The following ABLIM2 variants were observed in gnomAD, a reference collection of about 807,000 sequenced individuals.
The protein encoded by ABLIM2 is actin binding LIM protein family member 2.
In ABLIM2, 53 loss-of-function variants were observed where a neutral mutation model predicts 97.7. The ratio of observed to expected loss-of-function variants is 0.54; its 90% CI spans 0.44 to 0.68. ABLIM2 has a LOEUF of 0.68. ABLIM2 is among the 30% of genes least tolerant of loss of function. ABLIM2 has a pLI of 0.00. For missense variants in ABLIM2, 835 were observed against 867.2 expected, an observed-to-expected ratio of 0.96 and a Z score of 0.47; for synonymous variants, 361 against 345.8, an observed-to-expected ratio of 1.04 and a Z score of -0.49.
At chr4:8,108,186 G>A (rs990506400) in intron 1 of ABLIM2, among the ~76,000 whole-genome samples, 20 of 152,206 alleles carry the variant, frequency 1.3e-4, no homozygotes, top group Non-Finnish European at 1.5e-5. Flanking sequence ...GGTGGGGGAC[G>A]CAGGGGCAGA....
intron 17 of ABLIM2, among the ~76,000 whole-genome samples, chr4:7,985,178 C>T (rs1335564257): frequency 2.6e-5 from 4 of 152,220 alleles, no homozygotes; most frequent in Admixed American, 1.3e-4. Flanking sequence ...ACAGCTCCAA[C>T]CCCATTTGAA....
chr4:8,072,755 G>A lies in ABLIM2; in HGVS notation c.675+4873C>T, dbSNP rs1047315750. Among the ~76,000 whole-genome samples, 1 of 152,198 alleles carries A rather than the reference G, an allele frequency of 6.6e-6. No homozygotes were observed. The highest frequency in any genetic ancestry group is 1.5e-5 in the Non-Finnish European group (1 of 68,036). On this transcript the variant is annotated intron_variant, in intron 6 of 20. Transcript: ENST00000447017. This position sits in a 1 kb window ranked among gnomAD's most constrained non-coding sequence, Gnocchi z 5.8. Reference sequence around the variant, plus strand: ...GGGAGGCAGTGTGTATGTGGCGGAGGGAGAGTGCCTGCATGTGGTGTTGGC... The same window carrying A: ...GGGAGGCAGTGTGTATGTGGCGGAGAGAGAGTGCCTGCATGTGGTGTTGGC...
intron 16 of ABLIM2, among the ~76,000 whole-genome samples, chr4:8,006,467 T>C (rs1390395464): frequency 1.3e-5 from 2 of 152,232 alleles, no homozygotes; most frequent in East Asian, 3.8e-4. Context: ...CGATGCCACC[T>C]TGAGATCCCT....
intron 14 of ABLIM2, among the ~76,000 whole-genome samples, chr4:8,013,592 G>A (rs747577810): frequency 9.9e-5 from 15 of 152,218 alleles, no homozygotes; most frequent in Non-Finnish European, 1.8e-4. Flanking sequence ...TTACAGATGA[G>A]GAGACCGAGG....
chr4:7,972,293 G>A (rs776649006), intron 20 of ABLIM2, among the ~76,000 whole-genome samples: 10 of 152,184 alleles, frequency 6.6e-5, no homozygotes, highest in Non-Finnish European at 1.5e-4. Flanking sequence ...GCTGCGTGGT[G>A]TACTGTGAAA....
At chr4:8,134,428 C>G (rs10026316) in intron 1 of ABLIM2, among the ~76,000 whole-genome samples, 24,139 of 152,174 alleles carry the variant, frequency 0.16, 2,760 homozygotes, top group African/African-American at 0.33. Flanking sequence ...CCCTCCCTCT[C>G]CACACCCACA....
At position 8,068,931 on chromosome 4, in the gene ABLIM2, T is replaced by C. The variant is rs115970085; in HGVS notation, c.676-7877A>G. Among the ~76,000 whole-genome samples the C allele has an allele frequency of 0.029, 4,425 of 152,342 alleles. 214 individuals are homozygous for C. Among genetic ancestry groups the C allele is most frequent in the African/African-American group, 0.1 (4,212 of 41,582 alleles). On this transcript the variant is annotated intron_variant, in intron 6 of 20. Coordinates refer to ENST00000447017, the MANE Select transcript of ABLIM2 (RefSeq NM_001130083.2). The surrounding 1 kb of genome is among the most constrained non-coding windows in gnomAD (Gnocchi z 4.5). ...GAAAGCTGTGAGCAGGGGATCCCCC[T>C]GGGGGTGTTTGGCGGCCAGGACAGA...
rs1318868504 is a variant in ABLIM2, at chr4:7,966,952, G to A, written c.*38C>T. The A allele has an allele frequency of 6.1e-6, 9 of 1,464,636 alleles. No homozygotes were observed. The highest frequency in any genetic ancestry group is 1.1e-5 in the South Asian group (1 of 88,666). 90.7% of individuals were successfully genotyped at this position (1,464,636 alleles called of 1,614,324 possible). A position where few individuals can be genotyped will look rare whatever the true frequency, so the allele number is the denominator to read the frequency against. Reference sequence around the variant, plus strand: ...GTTCTCGCCAGGGGCCCCTGGCCTCGGCGCCCGGCACACACCAGTGGGGCA... The same window carrying A: ...GTTCTCGCCAGGGGCCCCTGGCCTCAGCGCCCGGCACACACCAGTGGGGCA... On this transcript the variant is annotated 3_prime_UTR_variant, in exon 21 of 21. Transcript: ENST00000447017.
At chr4:8,016,830 C>G (rs1172497937) in intron 14 of ABLIM2, among the ~76,000 whole-genome samples, 1 of 152,226 alleles carries the variant, frequency 6.6e-6, no homozygotes, top group African/African-American at 2.4e-5. Flanking sequence ...CCTCGAGCCT[C>G]TGCCGCCGAT....
At chr4:8,018,348 C>T (rs572393316) in intron 14 of ABLIM2, among the ~76,000 whole-genome samples, 25 of 152,362 alleles carry the variant, frequency 1.6e-4, no homozygotes, top group African/African-American at 5.5e-4. Context: ...CAGTCACTTA[C>T]TGTGGCTGCT....
chr4:8,158,754 T>C lies in ABLIM2; in HGVS notation c.-65A>G, dbSNP rs1170736833. 21 of 1,320,448 alleles carry C rather than the reference T, an allele frequency of 1.6e-5. No individual in the cohort carries two copies. The highest frequency in any genetic ancestry group is 2.0e-5 in the South Asian group (1 of 49,444). The allele number at this position is 1,320,448 out of a possible 1,614,324, so 81.8% of individuals were successfully genotyped here. On this transcript the variant is annotated 5_prime_UTR_variant, in exon 1 of 21. Transcript: ENST00000447017. ...ACAGCCAGACCCTCGGGCCCGCAGGTGCCGCGCCCGCGCTATCCTCCGCCC... is the reference window on the plus strand; with the variant it reads ...ACAGCCAGACCCTCGGGCCCGCAGGCGCCGCGCCCGCGCTATCCTCCGCCC...
At chr4:8,036,041 G>C in intron 10 of ABLIM2, 108 bp downstream of exon 10, 6 of 1,350,598 alleles carry the variant, frequency 4.4e-6, no homozygotes, top group Non-Finnish European at 6.0e-6. Flanking sequence ...GAGTGGTGAA[G>C]ATGGAAGTGG....
intron 9 of ABLIM2, among the ~76,000 whole-genome samples, chr4:8,040,535 C>G (rs577623994): frequency 1.3e-5 from 2 of 151,628 alleles, no homozygotes; most frequent in African/African-American, 2.4e-5. Context: ...TGCTTGAACC[C>G]GGGAGGCAGA....
At chr4:8,086,349 C>CTT (rs1228215168) in intron 4 of ABLIM2, among the ~76,000 whole-genome samples, 35 of 122,986 alleles carry the variant, frequency 2.8e-4, no homozygotes, top group African/African-American at 6.0e-4. Flanking sequence ...TCCCCTCCCA[C>CTT]TTTTTTTTTT....
intron 14 of ABLIM2, among the ~76,000 whole-genome samples, chr4:8,012,214 C>T (rs184599473): frequency 9.3e-5 from 14 of 150,518 alleles, no homozygotes; most frequent in African/African-American, 3.4e-4. Context: ...CCCGCCTATA[C>T]ATCCATCTGT....
Position 7,983,295 on chromosome 4 carries a change from A to G in ABLIM2, c.1793T>C (p.Leu598Pro). ...LIVTNRIRVK[L>P]PKDVDRTRLE... ...TCTCGTCCGGTCCACGTCTTTGGGC[A>G]GTTTCACGCGAATTCGGTTTGTGAC... The change falls in exon 20 of 21, where the codon CTG (leucine) becomes CCG (proline). Residue 598 changes from leucine to proline, a missense_variant. Physicochemically the swap from Leu to Pro is moderately conservative, Grantham distance 98. Coordinates refer to ENST00000447017, the MANE Select transcript of ABLIM2 (RefSeq NM_001130083.2). 6.2e-7 allele frequency: 1 copy of G among 1,612,460 alleles called. No homozygotes were observed. The highest frequency in any genetic ancestry group is 8.5e-7 in the Non-Finnish European group (1 of 1,179,536).
intron 6 of ABLIM2, among the ~76,000 whole-genome samples, chr4:8,076,323 G>A (rs751717213): frequency 2.6e-5 from 4 of 152,310 alleles, no homozygotes; most frequent in South Asian, 4.1e-4. Flanking sequence ...ATTCCCCTCC[G>A]CATTCTGAAT....
intron 20 of ABLIM2, among the ~76,000 whole-genome samples, chr4:7,972,285 T>C (rs989739165): frequency 6.6e-6 from 1 of 152,194 alleles, no homozygotes; most frequent in Admixed American, 6.5e-5. Flanking sequence ...ACTCCTCTGC[T>C]GCGTGGTGTA....
In ABLIM2 at chr4:8,043,656, A is replaced by G. The variant is rs1790212552; in HGVS notation, c.900+1508T>C. ...GCCTGCGGGCCAGGGATGGGGAGCC[A>G]ACCCTGCTGACTCCTTGATCCTGGG... is the stretch of plus-strand genomic sequence containing the variant. On this transcript the variant is annotated intron_variant, in intron 9 of 20. Coordinates refer to ENST00000447017, the MANE Select transcript of ABLIM2 (RefSeq NM_001130083.2). The surrounding 1 kb of genome is among the most constrained non-coding windows in gnomAD (Gnocchi z 4.8). 2.0e-5 allele frequency among the ~76,000 whole-genome samples: 3 copies of G among 152,170 alleles called. No individual in the cohort carries two copies. The highest frequency in any genetic ancestry group is 6.5e-5 in the Admixed American group (1 of 15,280).
Sources: gnomAD v4.1 joint callset for allele counts (sites outside exome capture counted in the v4.1 genomes callset) on GRCh38, gnomAD v4.1.1 for gene constraint, Gnocchi (gnomAD v3.1) non-coding constraint, MANE v1.5 for transcripts, NCBI Gene and HGNC (gene_info 2026-07-23, HGNC 2026-07-21) for gene names.